RPS4Y1: variants seen among roughly 807,000 people sequenced by gnomAD.
The protein encoded by RPS4Y1 is ribosomal protein S4 Y-linked 1, also known as small ribosomal subunit protein eS4, Y isoform 1.
For missense variants in RPS4Y1, 30 were observed against 60.9 expected, an observed-to-expected ratio of 0.49 and a Z score of 1.69; for synonymous variants, 23 against 20.8, an observed-to-expected ratio of 1.10 and a Z score of -0.28.
At chrY:2,861,757 G>C in intron 5 of RPS4Y1, among the ~76,000 whole-genome samples, 1 of 30,201 alleles carries the variant, frequency 3.3e-5, no homozygotes, top group African/African-American at 1.3e-4. Context: ...TGGGGTTACA[G>C]GCATGTGCCA....
chrY:2,844,774 G>A, intron 3 of RPS4Y1, among the ~76,000 whole-genome samples: 1 of 33,222 alleles, frequency 3.0e-5, no homozygotes, highest in Non-Finnish European at 7.4e-5. Flanking sequence ...AGTGAACAGG[G>A]TTTTGGCTCT....
rs554820966 is a variant in RPS4Y1 at position 2,841,972 on chromosome Y, A to G, written c.4-193A>G. 4.4e-3 allele frequency: 1,612 copies of G among 370,475 alleles called. No individual in the cohort carries two copies. In the Middle Eastern group the frequency reaches 0.061, roughly 14 times the overall value. The allele number at this position is 370,475 out of a possible 400,897, so 92.4% of individuals were successfully genotyped here. A position where few individuals can be genotyped will look rare whatever the true frequency, so the allele number is the denominator to read the frequency against. On this transcript the variant is annotated intron_variant, in intron 1 of 6. Coordinates refer to ENST00000250784, the MANE Select transcript of RPS4Y1 (RefSeq NM_001008.4). ...CTAGGGAGACCCGCCAAGTTTTCAA[A>G]GGTCTGTGCTTTGCGTGGTCTCTTC...
At chrY:2,856,194 A>G (rs2051159792) in intron 5 of RPS4Y1, among the ~76,000 whole-genome samples, 1 of 33,508 alleles carries the variant, frequency 3.0e-5, no homozygotes, top group Non-Finnish European at 7.4e-5. Context: ...GCTGGAGTGC[A>G]GTGGCACGAT....
intron 4 of RPS4Y1, among the ~76,000 whole-genome samples, chrY:2,846,457 G>C: frequency 5.9e-5 from 2 of 33,885 alleles, no homozygotes; most frequent in African/African-American, 2.3e-4. Flanking sequence ...CTGAATATGA[G>C]ATGCATTCTG....
chrY:2,843,583 T>C (rs2051150791), intron 2 of RPS4Y1, among the ~76,000 whole-genome samples: 1 of 33,656 alleles, frequency 3.0e-5, no homozygotes, highest in Non-Finnish European at 7.3e-5. Context: ...TGATGACACT[T>C]AAGCCGGCAA....
At chrY:2,848,509 C>T in intron 4 of RPS4Y1, among the ~76,000 whole-genome samples, 4 of 33,433 alleles carry the variant, frequency 1.2e-4, no homozygotes, top group Admixed American at 2.7e-4. Context: ...AGAGGGACAG[C>T]GTAGAATGCT....
chrY:2,845,660 G>A lies in RPS4Y1; in HGVS notation c.277G>A (p.Glu93Lys). 2.5e-6 allele frequency: 1 copy of A among 393,982 alleles called. No homozygotes were observed. The highest frequency in any genetic ancestry group is 3.6e-6 in the Non-Finnish European group (1 of 279,390). Reference protein sequence around the residue: ...PAGFMDVISIEKTGEHFRLVY... With the variant: ...PAGFMDVISIKKTGEHFRLVY... ...TTTGTGATCAGATGTCATCAGCATC[G>A]AGAAGACAGGTGAACATTTCCGCCT... The change falls in exon 4 of 7, where the codon GAG becomes AAG. Residue 93 changes from glutamate to lysine, a missense_variant. By Grantham distance (56) the Glu-to-Lys change is moderately conservative. Transcript: ENST00000250784.
At chrY:2,856,598 T>C in intron 5 of RPS4Y1, among the ~76,000 whole-genome samples, 2 of 32,250 alleles carry the variant, frequency 6.2e-5, no homozygotes, top group African/African-American at 2.5e-4. Flanking sequence ...TTTGGGGGAG[T>C]TTTGTTTCAT....
At position 2,866,867 on chromosome Y, in the gene RPS4Y1, G is replaced by C; in HGVS notation, c.765G>C (p.Arg255Ser). The C allele has an allele frequency of 1.0e-5, 4 of 395,563 alleles. No homozygotes were observed. Among genetic ancestry groups the C allele is most frequent in the Non-Finnish European group, 1.1e-5 (3 of 280,358 alleles). ...RLTVAEERDK[R>S]LATKQSSG is the part of the protein sequence containing the mutation. ...CTGTTGCTGAAGAGAGAGATAAGAG[G>C]CTGGCCACCAAACAGAGCAGTGGCT... The change falls in exon 7 of 7, where the codon AGG becomes AGC. Residue 255 changes from arginine to serine, a missense_variant. Physicochemically the swap from Arg to Ser is moderately radical, Grantham distance 110. Transcript: ENST00000250784.
chrY:2,859,947 T>A, intron 5 of RPS4Y1, among the ~76,000 whole-genome samples: 2 of 32,711 alleles, frequency 6.1e-5, no homozygotes, highest in Non-Finnish European at 1.5e-4. Flanking sequence ...TAAACCCTGA[T>A]GATTATCTTA....
chrY:2,850,282 T>C (rs2051155346), intron 4 of RPS4Y1, among the ~76,000 whole-genome samples: 1 of 34,160 alleles, frequency 2.9e-5, no homozygotes, highest in Non-Finnish European at 7.3e-5. Flanking sequence ...GGCTTCAAGT[T>C]TGATGTTGTG....
At chrY:2,856,522 C>T in intron 5 of RPS4Y1, among the ~76,000 whole-genome samples, 1 of 33,568 alleles carries the variant, frequency 3.0e-5, no homozygotes, top group Non-Finnish European at 7.4e-5. Context: ...ATCAAATTCC[C>T]AGTTAAAATT....
chrY:2,844,797 C>T, intron 3 of RPS4Y1, among the ~76,000 whole-genome samples: 1 of 33,110 alleles, frequency 3.0e-5, no homozygotes, highest in Non-Finnish European at 7.4e-5. Flanking sequence ...CTTCCCACTT[C>T]GTTGATGACT....
chrY:2,848,611 G>A, intron 4 of RPS4Y1, among the ~76,000 whole-genome samples: 1 of 33,423 alleles, frequency 3.0e-5, no homozygotes, highest in East Asian at 8.0e-4. Context: ...TGTCAATGGG[G>A]CAGGCATGTT....
At chrY:2,865,661 A>G (rs888045434) in intron 6 of RPS4Y1, among the ~76,000 whole-genome samples, 2 of 32,787 alleles carry the variant, frequency 6.1e-5, no homozygotes, top group Admixed American at 5.6e-4. Flanking sequence ...GATTGATGCA[A>G]GGGGGCTATG....
intron 2 of RPS4Y1, 110 bp downstream of exon 2, chrY:2,842,352 A>G: frequency 5.3e-6 from 1 of 189,781 alleles, no homozygotes; most frequent in Non-Finnish European, 9.0e-6. Context: ...CTTGTTTGTT[A>G]TGTGGGATTT....
chrY:2,841,643 C>A lies in RPS4Y1; in HGVS notation c.3+16C>A. ...TTTCGCCATGGTAAGACCGATAGTTCCTAACTCCTAGTATATCTGCCTCCA... is the reference window on the plus strand; with the variant it reads ...TTTCGCCATGGTAAGACCGATAGTTACTAACTCCTAGTATATCTGCCTCCA... On this transcript the variant is annotated intron_variant, in intron 1 of 6. Transcript: ENST00000250784. 5.1e-6 allele frequency: 2 copies of A among 391,919 alleles called. No individual in the cohort carries two copies. Among genetic ancestry groups the A allele is most frequent in the Non-Finnish European group, 7.2e-6 (2 of 277,404 alleles).
At chrY:2,849,929 T>A (rs939091821) in intron 4 of RPS4Y1, among the ~76,000 whole-genome samples, 1 of 34,220 alleles carries the variant, frequency 2.9e-5, no homozygotes, top group Non-Finnish European at 7.3e-5. Flanking sequence ...CAAAAGTTTT[T>A]AGCCTGCCTT....
chrY:2,866,902 T>A lies in RPS4Y1; in HGVS notation c.*8T>A. The A allele has an allele frequency of 3.1e-6, 1 of 326,015 alleles. No individual in the cohort carries two copies. Among genetic ancestry groups the A allele is most frequent in the Non-Finnish European group, 4.6e-6 (1 of 218,478 alleles). 81.3% of individuals were successfully genotyped at this position (326,015 alleles called of 400,897 possible). On this transcript the variant is annotated 3_prime_UTR_variant, in exon 7 of 7. Coordinates refer to ENST00000250784, the MANE Select transcript of RPS4Y1 (RefSeq NM_001008.4). Reference sequence around the variant, plus strand: ...AAACAGAGCAGTGGCTAAATTGCAGTAGCAGCATATCTTTTTTTCTTTGCA... The same window carrying A: ...AAACAGAGCAGTGGCTAAATTGCAGAAGCAGCATATCTTTTTTTCTTTGCA...
Sources: gnomAD v4.1 joint callset for allele counts (sites outside exome capture counted in the v4.1 genomes callset) on GRCh38, gnomAD v4.1.1 for gene constraint, MANE v1.5 for transcripts, NCBI Gene and HGNC (gene_info 2026-07-23, HGNC 2026-07-21) for gene names.